SYT1: variants seen among roughly 807,000 people sequenced by gnomAD.
SYT1 encodes synaptotagmin-1.
Under a neutral mutation model 44.8 loss-of-function variants are expected in SYT1, and 8 were observed. That is an observed-to-expected ratio of 0.18 (90% CI 0.10 to 0.32). The LOEUF (loss-of-function observed/expected upper bound fraction) is 0.32. Among genes scored for constraint, SYT1 ranks in the 10% least tolerant of loss-of-function variants. The probability of loss-of-function intolerance (pLI) is 1.00; values close to 1 mark genes in which losing one functional copy is unlikely to be tolerated. For missense variants in SYT1, 286 were observed against 509.3 expected, an observed-to-expected ratio of 0.56 and a Z score of 4.22; for synonymous variants, 154 against 188.8, an observed-to-expected ratio of 0.82 and a Z score of 1.51.
chr12:79,255,423 C>T lies in SYT1; in HGVS notation c.167-30364C>T, dbSNP rs1592902796. ...AGGCTACAGTATAGTGTAAACAGAACTTTTATATGCACTGTGAAACCAAAA... is the reference window on the plus strand; with the variant it reads ...AGGCTACAGTATAGTGTAAACAGAATTTTTATATGCACTGTGAAACCAAAA... On this transcript the variant is annotated intron_variant, in intron 4 of 10. Transcript: ENST00000261205. Among the ~76,000 whole-genome samples the T allele has an allele frequency of 1.3e-5, 2 of 152,132 alleles. 1 individual carries two copies. Among genetic ancestry groups the T allele is most frequent in the South Asian group, 4.1e-4 (2 of 4,826 alleles).
At chr12:79,184,979 A>G (rs1191665508) in intron 3 of SYT1, among the ~76,000 whole-genome samples, 1 of 152,076 alleles carries the variant, frequency 6.6e-6, no homozygotes, top group Non-Finnish European at 1.5e-5. Flanking sequence ...AAACTGCATG[A>G]GCTGTGTTCT....
At chr12:79,402,653 C>T (rs1237872788) in intron 9 of SYT1, among the ~76,000 whole-genome samples, 1 of 152,150 alleles carries the variant, frequency 6.6e-6, no homozygotes, top group Non-Finnish European at 1.5e-5. Flanking sequence ...CTGAGGACTG[C>T]TCAAGAGCCG....
At chr12:79,368,482 C>T (rs1280367974) in intron 9 of SYT1, among the ~76,000 whole-genome samples, 4 of 150,748 alleles carry the variant, frequency 2.7e-5, no homozygotes, top group Non-Finnish European at 5.9e-5. Context: ...CACTGACTTC[C>T]ACAATGGTTG....
At chr12:78,969,591 G>T (rs1013015182) in intron 1 of SYT1, among the ~76,000 whole-genome samples, 5 of 152,142 alleles carry the variant, frequency 3.3e-5, no homozygotes, top group African/African-American at 1.2e-4. Context: ...GTCAACTTGG[G>T]ATTGGAAGGA....
Position 79,347,857 on chromosome 12 carries a change from G to A in SYT1, c.811-5645G>A, listed in dbSNP as rs1882677931. ...GGGCAAGAGGAGAGGTAATGTTTGT[G>A]TTTAGGACTGCATTGGACTACATTA... On this transcript the variant is annotated intron_variant, in intron 8 of 10. Coordinates refer to ENST00000261205, the MANE Select transcript of SYT1 (RefSeq NM_005639.3). Among the ~76,000 whole-genome samples, 5 of 152,272 alleles carry A rather than the reference G, an allele frequency of 3.3e-5. 1 individual carries two copies. In the South Asian group the frequency reaches 1.0e-3, roughly 32 times the overall value.
intron 1 of SYT1, among the ~76,000 whole-genome samples, chr12:78,896,944 A>G (rs956561231): frequency 1.3e-5 from 2 of 151,776 alleles, no homozygotes; most frequent in Admixed American, 6.6e-5. Flanking sequence ...GGAAACCTAT[A>G]ATTAAATAAT....
At chr12:79,241,790 A>C (rs986450657) in intron 4 of SYT1, among the ~76,000 whole-genome samples, 1 of 152,246 alleles carries the variant, frequency 6.6e-6, no homozygotes, top group Non-Finnish European at 1.5e-5. Flanking sequence ...ACCTATCTGC[A>C]AATGTGACTT....
At chr12:79,195,471 T>C (rs1222404175) in intron 3 of SYT1, among the ~76,000 whole-genome samples, 5 of 150,578 alleles carry the variant, frequency 3.3e-5, no homozygotes, top group African/African-American at 1.2e-4. Context: ...AGTTATCCTT[T>C]GCACAATCAT....
chr12:79,177,281 G>A (rs1871948412), intron 3 of SYT1, among the ~76,000 whole-genome samples: 1 of 64,788 alleles, frequency 1.5e-5, no homozygotes, highest in South Asian at 5.9e-4. Flanking sequence ...CCACCTATGA[G>A]TGAGAATATG....
At chr12:78,890,825 C>G (rs543375493) in intron 1 of SYT1, among the ~76,000 whole-genome samples, 5 of 151,882 alleles carry the variant, frequency 3.3e-5, no homozygotes, top group African/African-American at 1.2e-4. Context: ...TCTATCTTTT[C>G]CTTTCACCAT....
intron 3 of SYT1, among the ~76,000 whole-genome samples, chr12:79,088,250 G>C (rs1182590224): frequency 6.6e-6 from 1 of 152,002 alleles, no homozygotes; most frequent in African/African-American, 2.4e-5. Context: ...ATTATTACTA[G>C]TAATTTTCTA....
At chr12:79,339,478 G>A (rs563545434) in intron 8 of SYT1, among the ~76,000 whole-genome samples, 5 of 152,296 alleles carry the variant, frequency 3.3e-5, no homozygotes, top group African/African-American at 1.2e-4. Context: ...CTTTTGAAAA[G>A]TATCTGTTCA....
chr12:78,954,547 A>G (rs1442340789), intron 1 of SYT1, among the ~76,000 whole-genome samples: 1 of 152,018 alleles, frequency 6.6e-6, no homozygotes, highest in Non-Finnish European at 1.5e-5. Context: ...AGAGAGAAAG[A>G]GAGAAAGAAA....
At chr12:79,266,930 A>T (rs1878162147) in intron 4 of SYT1, among the ~76,000 whole-genome samples, 1 of 152,174 alleles carries the variant, frequency 6.6e-6, no homozygotes, top group Admixed American at 6.5e-5. Context: ...AATGAAATTA[A>T]TGAGCCTGAA....
At chr12:79,045,870 A>AT (rs1261902588) in intron 2 of SYT1, 5 of 152,086 alleles carry the variant, frequency 3.3e-5, no homozygotes, top group Non-Finnish European at 5.9e-5. Context: ...CTATTCTCTT[A>AT]TTTTTTAATA....
chr12:79,225,818 C>T (rs910851477), intron 4 of SYT1, among the ~76,000 whole-genome samples: 4 of 152,188 alleles, frequency 2.6e-5, no homozygotes, highest in Admixed American at 6.5e-5. Flanking sequence ...CCAATGTTAG[C>T]ACCTCCCCAA....
At chr12:79,218,599 A>G (rs969165182) in intron 4 of SYT1, among the ~76,000 whole-genome samples, 1 of 152,178 alleles carries the variant, frequency 6.6e-6, no homozygotes, top group East Asian at 1.9e-4. Context: ...ACTTTTTTAG[A>G]TTTCACATAT....
At chr12:78,915,443 A>T (rs1876597190) in intron 1 of SYT1, among the ~76,000 whole-genome samples, 1 of 152,102 alleles carries the variant, frequency 6.6e-6, no homozygotes, top group African/African-American at 2.4e-5. Flanking sequence ...GGGTGAGAAG[A>T]CAAGACAATG....
chr12:79,136,698 A>G (rs1036624194), intron 3 of SYT1, among the ~76,000 whole-genome samples: 2 of 152,308 alleles, frequency 1.3e-5, no homozygotes, highest in African/African-American at 2.4e-5. Context: ...TTCTTGGTCA[A>G]TAATTTATTG....
Sources: allele counts gnomAD v4.1 joint callset (sites outside exome capture counted in the v4.1 genomes callset), GRCh38; gene constraint gnomAD v4.1.1; transcripts MANE v1.5; gene names NCBI Gene and HGNC (gene_info 2026-07-23, HGNC 2026-07-21).